Variants in SLC38A11 observed in about 807,000 individuals in gnomAD.
The protein encoded by SLC38A11 is putative sodium-coupled neutral amino acid transporter 11.
SLC38A11 carries 51 observed loss-of-function variants against 49.4 expected under a neutral mutation model. The ratio of observed to expected loss-of-function variants is 1.03; its 90% CI spans 0.83 to 1.30. The LOEUF is 1.30. SLC38A11 is among the 50% of genes most tolerant of loss of function. SLC38A11 has a pLI of 0.00. For missense variants in SLC38A11, 574 were observed against 556.2 expected, an observed-to-expected ratio of 1.03 and a Z score of -0.32; for synonymous variants, 203 against 192.9, an observed-to-expected ratio of 1.05 and a Z score of -0.43.
chr2:164,936,854 A>G (rs1485785929), intron 7 of SLC38A11, among the ~76,000 whole-genome samples: 1 of 152,212 alleles, frequency 6.6e-6, no homozygotes, highest in Non-Finnish European at 1.5e-5. Flanking sequence ...AAATAATAAC[A>G]TTAAAAAGAA....
chr2:164,913,231 T>A (rs1685523980), intron 9 of SLC38A11, among the ~76,000 whole-genome samples: 1 of 151,876 alleles, frequency 6.6e-6, no homozygotes, highest in South Asian at 2.1e-4. Context: ...CAGGAGGGGA[T>A]TAAAACACAA....
chr2:164,947,117 CTTTTTTTTT>C (rs200284770), intron 3 of SLC38A11, among the ~76,000 whole-genome samples: 28 of 72,912 alleles, frequency 3.8e-4, no homozygotes, highest in African/African-American at 1.8e-3. Context: ...TTTTTTATCT[CTTTTTTTTT>C]TTTTTTTTTT....
At position 164,937,397 on chromosome 2, in the gene SLC38A11, C is replaced by T; in HGVS notation, c.570G>A (p.Leu190=). ...VSLISTGLTT[L]ILGIVMARAI... ...CCCTTGCCATTACAATTCCAAGAAT[C>T]AGAGTTGTTAAACCTGTAGAGATGA... The change falls in exon 7 of 12, where the codon CTG becomes CTA. Residue 190 remains leucine (L), a synonymous_variant. Coordinates refer to ENST00000685975, the MANE Select transcript of SLC38A11 (RefSeq NM_001351537.2). 1 of 1,611,838 alleles carries T rather than the reference C, an allele frequency of 6.2e-7. No homozygotes were observed. The highest frequency in any genetic ancestry group is 8.5e-7 in the Non-Finnish European group (1 of 1,178,338).
At chr2:164,908,926 A>T (rs1170909211) in intron 10 of SLC38A11, among the ~76,000 whole-genome samples, 155 bp from the exon 11 acceptor site, 1 of 152,160 alleles carries the variant, frequency 6.6e-6, no homozygotes, top group East Asian at 1.9e-4. Context: ...ATATTTTCCA[A>T]ATTACTTACA....
chr2:164,914,607 G>C lies in SLC38A11; in HGVS notation c.850+505C>G, dbSNP rs918517904. On this transcript the variant is annotated intron_variant, in intron 9 of 11. Coordinates refer to ENST00000685975, the MANE Select transcript of SLC38A11 (RefSeq NM_001351537.2). ...TATGCTTGAGCCCGTTATCTGGGTGGTGTGGGATGGAGTGGAGTGGGGGAT... is the reference window on the plus strand; with the variant it reads ...TATGCTTGAGCCCGTTATCTGGGTGCTGTGGGATGGAGTGGAGTGGGGGAT... 2.0e-5 allele frequency among the ~76,000 whole-genome samples: 3 copies of C among 151,814 alleles called. No homozygotes were observed. The South Asian group carries it at 6.2e-4, about 32-fold the overall frequency.
At chr2:164,928,049 C>T (rs1489317332) in intron 7 of SLC38A11, among the ~76,000 whole-genome samples, 1 of 152,134 alleles carries the variant, frequency 6.6e-6, no homozygotes, top group Non-Finnish European at 1.5e-5. Context: ...TATTGAGGAG[C>T]CTAGGCTGTT....
chr2:164,915,323 T>C, intron 8 of SLC38A11, 50 bp from the exon 9 acceptor site: 2 of 1,518,420 alleles, frequency 1.3e-6, no homozygotes, highest in Non-Finnish European at 1.8e-6. Context: ...CAGGGTTTTC[T>C]TTTTTAGTTC....
At chr2:164,915,622 A>G (rs1001593794) in intron 8 of SLC38A11, 5 of 437,546 alleles carry the variant, frequency 1.1e-5, no homozygotes, top group African/African-American at 9.9e-5. Flanking sequence ...AAAGGGTTTG[A>G]AGAAGTCCAT....
intron 7 of SLC38A11, among the ~76,000 whole-genome samples, chr2:164,933,579 A>G (rs1267895841): frequency 2.0e-5 from 3 of 152,130 alleles, no homozygotes; most frequent in African/African-American, 7.2e-5. Context: ...ACCAGTAGCC[A>G]TTATAGACCT....
intron 5 of SLC38A11, among the ~76,000 whole-genome samples, chr2:164,942,182 C>G (rs1051770804): frequency 3.3e-5 from 5 of 151,954 alleles, no homozygotes; most frequent in Non-Finnish European, 7.4e-5. Context: ...GGTGAGATGG[C>G]TCATGTCTAT....
intron 3 of SLC38A11, 98 bp downstream of exon 3, chr2:164,952,609 T>C: frequency 1.2e-6 from 1 of 836,280 alleles, no homozygotes; most frequent in Non-Finnish European, 2.0e-6. Context: ...TTTAATTAAC[T>C]AGGAAATTCA....
intron 7 of SLC38A11, among the ~76,000 whole-genome samples, chr2:164,930,176 C>T (rs762198960): frequency 7.2e-5 from 11 of 152,038 alleles, no homozygotes; most frequent in Non-Finnish European, 1.2e-4. Flanking sequence ...TTCCTGGATA[C>T]ATACACCCTC....
chr2:164,942,343 G>T (rs138137209), intron 5 of SLC38A11, among the ~76,000 whole-genome samples: 58 of 150,528 alleles, frequency 3.9e-4, no homozygotes, highest in African/African-American at 1.4e-3. Flanking sequence ...GCTGAGGTGG[G>T]AGGATCACCT....
At chr2:164,951,751 G>C (rs1688536893) in intron 3 of SLC38A11, among the ~76,000 whole-genome samples, 1 of 152,130 alleles carries the variant, frequency 6.6e-6, no homozygotes, top group Non-Finnish European at 1.5e-5. Flanking sequence ...TCCAGAAGAA[G>C]GGGAATGAGA....
chr2:164,922,944 TGACAAAGTC>T (rs1686313461), intron 7 of SLC38A11, among the ~76,000 whole-genome samples: 1 of 152,206 alleles, frequency 6.6e-6, no homozygotes, highest in South Asian at 2.1e-4. Context: ...ATCTGGTCTT[TGACAAAGTC>T]GACAAAAATA....
chr2:164,937,216 C>T (rs1687430756), intron 7 of SLC38A11, 134 bp downstream of exon 7: 1 of 622,468 alleles, frequency 1.6e-6, no homozygotes, highest in Non-Finnish European at 2.8e-6. Flanking sequence ...ATTATTTTAC[C>T]TCATTTTGTC....
At chr2:164,924,837 C>G (rs1686454330) in intron 7 of SLC38A11, among the ~76,000 whole-genome samples, 1 of 152,072 alleles carries the variant, frequency 6.6e-6, no homozygotes, top group African/African-American at 2.4e-5. Flanking sequence ...TGGGTTCACG[C>G]CATTCTCCTG....
chr2:164,952,550 TCTC>T (rs1243907897), intron 3 of SLC38A11, among the ~76,000 whole-genome samples, 154 bp downstream of exon 3: 1 of 152,220 alleles, frequency 6.6e-6, no homozygotes, highest in South Asian at 2.1e-4. Flanking sequence ...GAAAAGTAAA[TCTC>T]CTCAGGCATA....
At chr2:164,931,241 C>CAT (rs1286849590) in intron 7 of SLC38A11, among the ~76,000 whole-genome samples, 1 of 74,786 alleles carries the variant, frequency 1.3e-5, no homozygotes, top group Non-Finnish European at 2.5e-5. Flanking sequence ...TGATCCCCCA[C>CAT]AAAAAAAAAA....
Sources: gnomAD v4.1 joint callset for allele counts (sites outside exome capture counted in the v4.1 genomes callset) on GRCh38, gnomAD v4.1.1 for gene constraint, MANE v1.5 for transcripts, NCBI Gene and HGNC (gene_info 2026-07-23, HGNC 2026-07-21) for gene names.